The following HEXB variants were observed in gnomAD, a reference collection of about 807,000 sequenced individuals.
The protein encoded by HEXB is beta-hexosaminidase subunit beta.
HEXB carries 51 observed loss-of-function variants against 71.2 expected under a neutral mutation model. The observed-to-expected ratio is 0.72, with a 90% CI of 0.57 to 0.90. The LOEUF (loss-of-function observed/expected upper bound fraction) is 0.90, where lower values mean the gene tolerates loss of function less well. Ranked by LOEUF, HEXB falls within the 40% of genes least tolerant of loss-of-function variation. The pLI is 0.00. For missense variants in HEXB, 617 were observed against 677.0 expected, an observed-to-expected ratio of 0.91 and a Z score of 0.98; for synonymous variants, 266 against 249.3, an observed-to-expected ratio of 1.07 and a Z score of -0.63.
intron 6 of HEXB, among the ~76,000 whole-genome samples, chr5:74,708,288 A>G (rs552447624): frequency 4.6e-5 from 7 of 152,216 alleles, no homozygotes; most frequent in East Asian, 1.9e-4. Flanking sequence ...CTCCTGAAGG[A>G]AGCACTAAAC....
Position 74,718,803 on chromosome 5 carries a change from C to T in HEXB, c.1249C>T (p.Pro417Ser). The T allele has an allele frequency of 6.2e-7, 1 of 1,614,052 alleles. No homozygotes were observed. Among genetic ancestry groups the T allele is most frequent in the Non-Finnish European group, 8.5e-7 (1 of 1,179,986 alleles). Residue 417 changes from proline to serine, a missense_variant, in exon 11 of 14, where the codon CCG (proline) becomes TCG (serine). Physicochemically the swap from Pro to Ser is moderately conservative, Grantham distance 74. Transcript: ENST00000261416. ...CAATTTGTAACGTTAATAGCTTGCG[C>T]CGGGCACAATAGTTGAAGTATGGAA... is the stretch of plus-strand genomic sequence containing the variant. The part of the protein sequence containing the change: ...EVFDDKAKLA[P>S]GTIVEVWKDS...
chr5:74,679,423 A>G (rs181240635), intron 1 of HEXB, among the ~76,000 whole-genome samples: 37 of 152,324 alleles, frequency 2.4e-4, no homozygotes, highest in Admixed American at 6.5e-4. Context: ...TGTCCACCTA[A>G]GAGAATTTGT....
At chr5:74,680,239 C>T (rs747003868), upstream of HEXB, among the ~76,000 whole-genome samples, 2 of 152,220 alleles carry the variant, frequency 1.3e-5, no homozygotes, top group Non-Finnish European at 2.9e-5. Context: ...GTCTTTGAAT[C>T]CGGATCAAGG....
Position 74,685,574 on chromosome 5 carries a change from C to T in HEXB, c.299+15C>T. On this transcript the variant is annotated intron_variant, in intron 1 of 13. Transcript: ENST00000261416. ...GCGTTTCGACGGTGAGCGCTCCCGG[C>T]CCGGCCGGGAGTTGTCCTGGGGGAG... 1.3e-6 allele frequency: 2 copies of T among 1,535,814 alleles called. No individual in the cohort carries two copies. Among genetic ancestry groups the T allele is most frequent in the South Asian group, 2.5e-5 (2 of 80,542 alleles).
At chr5:74,678,140 T>C (rs140544834) in intron 1 of HEXB, among the ~76,000 whole-genome samples, 3,899 of 151,796 alleles carry the variant, frequency 0.026, 166 homozygotes, top group African/African-American at 0.089. Context: ...TTACTAAAAA[T>C]ACAAAAAATT....
chr5:74,694,505 A>G (rs1341615728), intron 3 of HEXB, among the ~76,000 whole-genome samples: 1 of 152,170 alleles, frequency 6.6e-6, no homozygotes, highest in Non-Finnish European at 1.5e-5. Flanking sequence ...TTCTCATGAG[A>G]ATTTCAGAGT....
At chr5:74,707,036 A>C (rs1749413694) in intron 6 of HEXB, among the ~76,000 whole-genome samples, 2 of 152,186 alleles carry the variant, frequency 1.3e-5, no homozygotes, top group African/African-American at 4.8e-5. Context: ...ACTGGGAGGC[A>C]CCCCCCAGTA....
intron 1 of HEXB, among the ~76,000 whole-genome samples, chr5:74,650,694 G>A (rs1271212561): frequency 6.6e-6 from 1 of 152,054 alleles, no homozygotes; most frequent in African/African-American, 2.4e-5. Flanking sequence ...GGCCAAGGCG[G>A]GTGGATCACG....
At chr5:74,701,333 T>C (rs2112149626) in intron 5 of HEXB, among the ~76,000 whole-genome samples, 1 of 152,318 alleles carries the variant, frequency 6.6e-6, no homozygotes, top group East Asian at 1.9e-4. Context: ...ATACTTTTTC[T>C]TATTAAATTC....
chr5:74,655,345 C>T (rs909576245), intron 1 of HEXB, among the ~76,000 whole-genome samples: 108 of 136,376 alleles, frequency 7.9e-4, no homozygotes, highest in African/African-American at 2.7e-3. Flanking sequence ...GACAGGATCT[C>T]GCTCTGTCAC....
At chr5:74,657,019 A>C (rs545550792) in intron 1 of HEXB, among the ~76,000 whole-genome samples, 1 of 152,054 alleles carries the variant, frequency 6.6e-6, no homozygotes, top group Admixed American at 6.6e-5. Flanking sequence ...TCACTCCATA[A>C]CCTTTCTGAT....
At chr5:74,707,068 C>T (rs1468913774) in intron 6 of HEXB, among the ~76,000 whole-genome samples, 2 of 152,376 alleles carry the variant, frequency 1.3e-5, no homozygotes, top group East Asian at 3.9e-4. Flanking sequence ...ACACCTCACA[C>T]AGCCGGGTAT....
chr5:74,676,983 T>G (rs1394893595), intron 1 of HEXB, among the ~76,000 whole-genome samples: 1 of 151,788 alleles, frequency 6.6e-6, no homozygotes, highest in Non-Finnish European at 1.5e-5. Flanking sequence ...ACCTCCTGGG[T>G]TCATGCCATT....
At chr5:74,708,555 G>A (rs1455364211) in intron 6 of HEXB, among the ~76,000 whole-genome samples, 1 of 152,078 alleles carries the variant, frequency 6.6e-6, no homozygotes, top group Non-Finnish European at 1.5e-5. Context: ...CATCTCACGG[G>A]CAGAGACACA....
chr5:74,658,112 G>A (rs1055959386), intron 1 of HEXB, among the ~76,000 whole-genome samples: 2 of 152,158 alleles, frequency 1.3e-5, no homozygotes, highest in African/African-American at 4.8e-5. Flanking sequence ...TTGCCAGCAC[G>A]TCTGATGTCT....
chr5:74,688,608 G>T (rs1455299767), intron 1 of HEXB, among the ~76,000 whole-genome samples: 1 of 152,182 alleles, frequency 6.6e-6, no homozygotes, highest in Admixed American at 6.5e-5. Context: ...CTCCCAAAGT[G>T]CTGGGATTAC....
intron 1 of HEXB, among the ~76,000 whole-genome samples, chr5:74,668,407 T>C (rs1748475155): frequency 2.0e-5 from 3 of 152,186 alleles, no homozygotes; most frequent in African/African-American, 7.2e-5. Context: ...GCTAACTTTT[T>C]CTTTGCTATG....
At chr5:74,684,784 T>C (rs2112121163), upstream of HEXB, among the ~76,000 whole-genome samples, 1 of 151,824 alleles carries the variant, frequency 6.6e-6, no homozygotes, top group African/African-American at 2.4e-5. Flanking sequence ...TTCAAGAGAT[T>C]CTCCTGCCTC....
At chr5:74,688,254 TATTTAATGCCTTTAC>T (rs1219774457) in intron 1 of HEXB, among the ~76,000 whole-genome samples, 5 of 150,016 alleles carry the variant, frequency 3.3e-5, no homozygotes, top group South Asian at 4.2e-4. Context: ...TTAATATTAA[TATTTAATGCCTTTAC>T]AATATTTAAT....
Sources: allele counts gnomAD v4.1 joint callset (sites outside exome capture counted in the v4.1 genomes callset), GRCh38; gene constraint gnomAD v4.1.1; transcripts MANE v1.5; gene names NCBI Gene and HGNC (gene_info 2026-07-23, HGNC 2026-07-21).